Variants in DHX16 observed in about 807,000 individuals in gnomAD.
DHX16 encodes the protein pre-mRNA-splicing factor ATP-dependent RNA helicase DHX16.
Under a neutral mutation model 131.2 loss-of-function variants are expected in DHX16, and 81 were observed. The ratio of observed to expected loss-of-function variants is 0.62; its 90% CI spans 0.52 to 0.74. DHX16 has a LOEUF of 0.74. Among genes scored for constraint, DHX16 ranks in the 30% least tolerant of loss-of-function variants. The probability of loss-of-function intolerance (pLI) is 0.00; values close to 1 mark genes in which losing one functional copy is unlikely to be tolerated. For synonymous variants in DHX16, 440 were observed against 520.2 expected (o/e 0.85, Z 2.10); for missense variants, 980 against 1,363.1 (o/e 0.72, Z 4.43).
intron 4 of DHX16, among the ~76,000 whole-genome samples, chr6:30,666,076 G>A (rs1006098687): frequency 6.6e-6 from 1 of 152,094 alleles, no homozygotes; most frequent in Admixed American, 6.6e-5. Flanking sequence ...TGGAAAGGGG[G>A]AAAATAAAAG....
intron 12 of DHX16, among the ~76,000 whole-genome samples, chr6:30,658,404 C>G (rs1484168653): frequency 2.0e-5 from 3 of 152,212 alleles, no homozygotes. Context: ...ATTGGCCAGG[C>G]GTGGTGGAGG....
At chr6:30,666,802 G>A (rs939105027) in intron 4 of DHX16, among the ~76,000 whole-genome samples, 3 of 151,782 alleles carry the variant, frequency 2.0e-5, no homozygotes, top group African/African-American at 7.3e-5. Flanking sequence ...GAACAAAACT[G>A]CATCTTTAAA....
intron 4 of DHX16, among the ~76,000 whole-genome samples, chr6:30,669,903 A>G (rs1315158272): frequency 6.6e-6 from 1 of 152,154 alleles, no homozygotes; most frequent in East Asian, 1.9e-4. Flanking sequence ...TATGAATTAC[A>G]AGGGCTCTGT....
chr6:30,670,559 GCGCCCT>G lies in DHX16; in HGVS notation c.610-99_610-94del. 1 of 1,397,146 alleles carries G rather than the reference GCGCCCT, an allele frequency of 7.2e-7. No homozygotes were observed. Among genetic ancestry groups the G allele is most frequent in the Admixed American group, 2.0e-5 (1 of 49,710 alleles). 86.5% of individuals were successfully genotyped at this position (1,397,146 alleles called of 1,614,324 possible). A position where few individuals can be genotyped will look rare whatever the true frequency, so the allele number is the denominator to read the frequency against. ...CTAGAATCACAAGGATCATTCAGAT[GCGCCCT>G]AACACAAAAAATGTCCCCTCTCAGT... On this transcript the variant is annotated intron_variant, in intron 3 of 19. Transcript: ENST00000376442. This position sits in a 1 kb window ranked among gnomAD's most constrained non-coding sequence, Gnocchi z 4.4.
At chr6:30,653,616 T>TCTTGGCCTCCCAAAATGCTAGGATCCTGC (rs1767667106) in intron 19 of DHX16, among the ~76,000 whole-genome samples, 1 of 150,258 alleles carries the variant, frequency 6.7e-6, no homozygotes, top group African/African-American at 2.5e-5. Flanking sequence ...CCTGGGCTGA[T>TCTTGGCCTCCCAAAATGCTAGGATCCTGC]CTTGGCCTCC....
rs1261256560 is a variant in DHX16 at position 30,656,643 on chromosome 6, G to A, written c.2265C>T (p.Ile755=). 1 of 1,613,960 alleles carries A rather than the reference G, an allele frequency of 6.2e-7. No homozygotes were observed. Among genetic ancestry groups the A allele is most frequent in the Non-Finnish European group, 8.5e-7 (1 of 1,180,034 alleles). The change falls in exon 14 of 20, where the codon ATC becomes ATT. Residue 755 remains isoleucine, a synonymous_variant. Transcript: ENST00000376442. This position sits in a 1 kb window ranked among gnomAD's most constrained non-coding sequence, Gnocchi z 5.1. ...CGACATTGCCCAAGCTGGTCCTCTG[G>A]ATCTCAGGCACTGTGGTTTCCTCAA... ...HELEETTVPE[I]QRTSLGNVVL...
At chr6:30,668,595 G>A (rs1313237204) in intron 4 of DHX16, among the ~76,000 whole-genome samples, 1 of 152,048 alleles carries the variant, frequency 6.6e-6, no homozygotes, top group Non-Finnish European at 1.5e-5. Context: ...AGGTTGCAGT[G>A]AGCCGAGATC....
At chr6:30,654,201 G>A (rs1406836251) in intron 19 of DHX16, among the ~76,000 whole-genome samples, 3 of 152,172 alleles carry the variant, frequency 2.0e-5, no homozygotes, top group Non-Finnish European at 4.4e-5. Flanking sequence ...CACCTATACA[G>A]TAGCCATTCA....
In DHX16 at chr6:30,656,631, G is replaced by A; in HGVS notation, c.2277C>T (p.Ser759=). 6.2e-7 allele frequency: 1 copy of A among 1,614,168 alleles called. No homozygotes were observed. The highest frequency in any genetic ancestry group is 8.5e-7 in the Non-Finnish European group (1 of 1,180,034). The change falls in exon 14 of 20, where the codon AGC becomes AGT. Residue 759 remains serine, a synonymous_variant. Coordinates refer to ENST00000376442, the MANE Select transcript of DHX16 (RefSeq NM_003587.5). The surrounding 1 kb of genome is among the most constrained non-coding windows in gnomAD (Gnocchi z 5.1). The part of the protein sequence containing the change: ...ETTVPEIQRT[S]LGNVVLLLKS... ...TGAGCAGCAACACGACATTGCCCAA[G>A]CTGGTCCTCTGGATCTCAGGCACTG...
At chr6:30,669,799 G>A (rs1769369057) in intron 4 of DHX16, among the ~76,000 whole-genome samples, 1 of 149,710 alleles carries the variant, frequency 6.7e-6, no homozygotes, top group Non-Finnish European at 1.5e-5. Context: ...TTCTATTGGG[G>A]TATTGGGGAA....
At chr6:30,668,583 G>A (rs190473700) in intron 4 of DHX16, among the ~76,000 whole-genome samples, 2,051 of 152,020 alleles carry the variant, frequency 0.013, 25 homozygotes, top group South Asian at 0.023. Context: ...CCCGGGAGGC[G>A]GAGGTTGCAG....
intron 4 of DHX16, among the ~76,000 whole-genome samples, chr6:30,668,009 G>A (rs777183403): frequency 3.3e-5 from 5 of 152,208 alleles, no homozygotes; most frequent in African/African-American, 7.2e-5. Flanking sequence ...GGAAAAAGCA[G>A]TCATTAAAGT....
chr6:30,670,373 G>A lies in DHX16; in HGVS notation c.666+37C>T. On this transcript the variant is annotated intron_variant, in intron 4 of 19. Coordinates refer to ENST00000376442, the MANE Select transcript of DHX16 (RefSeq NM_003587.5). The surrounding 1 kb of genome is among the most constrained non-coding windows in gnomAD (Gnocchi z 4.4). The stretch of plus-strand genomic sequence containing the variant: ...ACTCTATCAGAAAGTCTTTCCTTTT[G>A]TCTTCTGATCTTGGCTCCCTAGGCC... The A allele has an allele frequency of 6.3e-7, 1 of 1,581,662 alleles. No individual in the cohort carries two copies. Among genetic ancestry groups the A allele is most frequent in the Non-Finnish European group, 8.6e-7 (1 of 1,159,084 alleles).
Position 30,665,023 on chromosome 6 carries a change from T to C in DHX16, c.1126-31A>G. 8.7e-6 allele frequency: 14 copies of C among 1,613,764 alleles called. No individual in the cohort carries two copies. The highest frequency in any genetic ancestry group is 1.2e-5 in the Non-Finnish European group (14 of 1,179,768). Reference sequence around the variant, plus strand: ...GAAAGAGAAGGAGGTGTGAGCTAAATAGCTCGCTACGGGTCTTCCTCAGAA... The same window carrying C: ...GAAAGAGAAGGAGGTGTGAGCTAAACAGCTCGCTACGGGTCTTCCTCAGAA... On this transcript the variant is annotated intron_variant, in intron 6 of 19. Transcript: ENST00000376442. This position sits in a 1 kb window ranked among gnomAD's most constrained non-coding sequence, Gnocchi z 4.8.
chr6:30,667,301 G>A (rs574260477), intron 4 of DHX16, among the ~76,000 whole-genome samples: 2 of 152,134 alleles, frequency 1.3e-5, no homozygotes, highest in Non-Finnish European at 2.9e-5. Flanking sequence ...TCACCATTTC[G>A]GCCGGGCGCG....
chr6:30,655,719 T>C lies in DHX16; in HGVS notation c.2499-122A>G, dbSNP rs753772044. 3 of 1,157,490 alleles carry C rather than the reference T, an allele frequency of 2.6e-6. No homozygotes were observed. The East Asian group carries it at 7.4e-5, about 29-fold the overall frequency. The allele number at this position is 1,157,490 out of a possible 1,614,324, so 71.7% of individuals were successfully genotyped here. ...ATGTGGGGAAGGCTGGTTGGCATAATGGCTACAAAGCAGCCAGCAGATAGA... is the reference window on the plus strand; with the variant it reads ...ATGTGGGGAAGGCTGGTTGGCATAACGGCTACAAAGCAGCCAGCAGATAGA... On this transcript the variant is annotated intron_variant, in intron 16 of 19. Transcript: ENST00000376442.
Position 30,659,833 on chromosome 6 carries a change from G to T in DHX16, c.1757C>A (p.Ala586Asp). The T allele has an allele frequency of 6.2e-7, 1 of 1,614,074 alleles. No homozygotes were observed. Among genetic ancestry groups the T allele is most frequent in the Non-Finnish European group, 8.5e-7 (1 of 1,179,968 alleles). Residue 586 changes from alanine (A) to aspartate (D), a missense_variant and splice_region_variant, in exon 11 of 20, where the codon GCT (alanine) becomes GAT (aspartate). Transcript: ENST00000376442. ...RFPVDIFYTK[A>D]PEADYLEACV... is the part of the protein sequence containing the mutation. ...AGCTTCCAAGTAGTCAGCCTCTGGA[G>T]CCTGGAGAGCAGAAAGAGATGGGGT...
At chr6:30,659,329 C>T in intron 12 of DHX16, 143 bp downstream of exon 12, 2 of 888,356 alleles carry the variant, frequency 2.3e-6, no homozygotes, top group Non-Finnish European at 3.4e-6. Context: ...CTCCTCTCTT[C>T]AGTCCCAGGA....
rs1370425622 is a variant in DHX16, at chr6:30,662,996, A to G, written c.1343T>C (p.Ile448Thr). The G allele has an allele frequency of 1.9e-6, 3 of 1,613,372 alleles. No homozygotes were observed. Among genetic ancestry groups the G allele is most frequent in the Non-Finnish European group, 2.5e-6 (3 of 1,180,006 alleles). ...CACTCTCCGGGGTTGGGTGCAGGCA[A>G]TCTTCATACCCTTGTTTGTATAACC... ...EEGYTNKGMK[I>T]ACTQPRRVAA... The change falls in exon 8 of 20, where the codon ATT (isoleucine) becomes ACT (threonine). Residue 448 changes from isoleucine to threonine, a missense_variant. Ile to Thr is a moderately conservative substitution (Grantham distance 89, BLOSUM62 -1). Coordinates refer to ENST00000376442, the MANE Select transcript of DHX16 (RefSeq NM_003587.5). The surrounding 1 kb of genome is among the most constrained non-coding windows in gnomAD (Gnocchi z 4.7).
Sources: gnomAD v4.1 joint callset for allele counts (sites outside exome capture counted in the v4.1 genomes callset) on GRCh38, gnomAD v4.1.1 for gene constraint, Gnocchi (gnomAD v3.1) non-coding constraint, MANE v1.5 for transcripts, NCBI Gene and HGNC (gene_info 2026-07-23, HGNC 2026-07-21) for gene names.